Variants in IL17RB observed in about 807,000 individuals in gnomAD.
IL17RB encodes interleukin-17 receptor B.
Under a neutral mutation model 43.9 loss-of-function variants are expected in IL17RB, and 36 were observed. The ratio of observed to expected loss-of-function variants is 0.82; its 90% CI spans 0.63 to 1.08. IL17RB has a LOEUF of 1.08. Among genes scored for constraint, IL17RB ranks in the 50% least tolerant of loss-of-function variants. IL17RB has a pLI of 0.00. For synonymous variants in IL17RB, 225 were observed against 225.4 expected (o/e 1.00, Z 0.02); for missense variants, 613 against 613.6 (o/e 1.00, Z 0.01).
chr3:53,862,342 C>T lies in IL17RB; in HGVS notation c.946+2114C>T, dbSNP rs140462350. Reference sequence around the variant, plus strand: ...TTGTCAACACTATGGACGAGAACACCAACAGAGAGAACAACATGGAAGTCT... The same window carrying T: ...TTGTCAACACTATGGACGAGAACACTAACAGAGAGAACAACATGGAAGTCT... On this transcript the variant is annotated intron_variant, in intron 10 of 10. Coordinates refer to ENST00000288167, the MANE Select transcript of IL17RB (RefSeq NM_018725.4). Among the ~76,000 whole-genome samples, 1,121 of 152,194 alleles carry T rather than the reference C, an allele frequency of 7.4e-3. 16 individuals are homozygous for T. Among genetic ancestry groups the T allele is most frequent in the African/African-American group, 0.025 (1,034 of 41,514 alleles).
chr3:53,851,057 T>C (rs903996829), intron 3 of IL17RB, among the ~76,000 whole-genome samples: 2 of 152,200 alleles, frequency 1.3e-5, no homozygotes, highest in African/African-American at 2.4e-5. Flanking sequence ...CTGGCTTAGA[T>C]AGATTACTTT....
Position 53,865,234 on chromosome 3 carries a change from C to T in IL17RB, c.1435C>T (p.Leu479Phe). The T allele has an allele frequency of 6.2e-7, 1 of 1,613,550 alleles. No individual in the cohort carries two copies. The highest frequency in any genetic ancestry group is 1.3e-5 in the African/African-American group (1 of 75,026). The part of the protein sequence containing the change: ...MKDATAFCAE[L>F]LHVKQQVSAG... ...GGATGCCACTGCTTTCTGTGCAGAA[C>T]TTCTCCATGTCAAGCAGCAGGTGTC... Residue 479 changes from leucine (L) to phenylalanine (F), a missense_variant, in exon 11 of 11, where the codon CTT becomes TTT. Physicochemically the swap from Leu to Phe is conservative, Grantham distance 22. Transcript: ENST00000288167.
At chr3:53,849,491 C>T (rs1184054505) in intron 2 of IL17RB, among the ~76,000 whole-genome samples, 164 bp from the exon 3 acceptor site, 2 of 147,852 alleles carry the variant, frequency 1.4e-5, no homozygotes, top group African/African-American at 2.5e-5. Flanking sequence ...TCTTAGGCAA[C>T]AGAGTGAGAC....
chr3:53,856,473 C>T (rs1377027696), intron 6 of IL17RB, among the ~76,000 whole-genome samples: 2 of 152,194 alleles, frequency 1.3e-5, no homozygotes, highest in African/African-American at 4.8e-5. Context: ...GCTCTATAAT[C>T]TTAGACATGT....
At chr3:53,856,785 GAACTT>G (rs976188025) in intron 6 of IL17RB, 54 bp from the exon 7 acceptor site, 4 of 1,578,754 alleles carry the variant, frequency 2.5e-6, no homozygotes, top group Non-Finnish European at 3.5e-6. Flanking sequence ...GCCCTGTGGG[GAACTT>G]AAATGAGGGA....
At chr3:53,858,482 T>C (rs1484646164) in intron 8 of IL17RB, 1 of 1,372,462 alleles carries the variant, frequency 7.3e-7, no homozygotes, top group Non-Finnish European at 9.4e-7. Context: ...GGTATGTTAG[T>C]AACGTGTACA....
At position 53,857,627 on chromosome 3, in the gene IL17RB, GAAAC is replaced by G; in HGVS notation, c.689_692del (p.Gln230ArgfsTer6). Reference sequence around the variant, plus strand: ...CTCTCTCTCTTAAGCCACACCAGAAGAAACAAACGCGAGCTTCAGTGGTGATTCC... The same window carrying G: ...CTCTCTCTCTTAAGCCACACCAGAAGAAACGCGAGCTTCAGTGGTGATTCC... On this transcript the variant is annotated frameshift_variant, in exon 8 of 11. Transcript: ENST00000288167. LOFTEE classifies it high-confidence loss of function. 2 of 1,614,170 alleles carry G rather than the reference GAAAC, an allele frequency of 1.2e-6. No homozygotes were observed. Among genetic ancestry groups the G allele is most frequent in the Non-Finnish European group, 1.7e-6 (2 of 1,180,000 alleles).
chr3:53,852,806 C>T (rs1462580855), intron 4 of IL17RB, 65 bp from the exon 5 acceptor site: 2 of 1,515,124 alleles, frequency 1.3e-6, no homozygotes, highest in Admixed American at 3.6e-5. Context: ...GGGCAACACA[C>T]TAAGGTATAC....
chr3:53,857,827 C>T, intron 8 of IL17RB, 137 bp downstream of exon 8: 1 of 765,232 alleles, frequency 1.3e-6, no homozygotes, highest in Non-Finnish European at 2.2e-6. Flanking sequence ...TTCATGGGGG[C>T]TCTTTCGCTG....
At position 53,853,006 on chromosome 3, in the gene IL17RB, C is replaced by A; in HGVS notation, c.481+9C>A. The A allele has an allele frequency of 6.2e-7, 1 of 1,613,936 alleles. No individual in the cohort carries two copies. The highest frequency in any genetic ancestry group is 8.5e-7 in the Non-Finnish European group (1 of 1,179,844). On this transcript the variant is annotated intron_variant, in intron 5 of 10. Transcript: ENST00000288167. ...GAATTTCACCTCACCAGGTAAACTT[C>A]CTCATTTGTTTATTATTCTTTGTCT...
At chr3:53,852,162 G>T (rs749280619) in intron 4 of IL17RB, 36 bp downstream of exon 4, 13 of 1,596,776 alleles carry the variant, frequency 8.1e-6, no homozygotes, top group Non-Finnish European at 1.1e-5. Flanking sequence ...TGTTTTTTGA[G>T]ATAGCATCTT....
At chr3:53,856,785 G>A in intron 6 of IL17RB, 59 bp from the exon 7 acceptor site, 2 of 1,578,872 alleles carry the variant, frequency 1.3e-6, no homozygotes, top group African/African-American at 1.3e-5. Flanking sequence ...GCCCTGTGGG[G>A]AACTTAAATG....
At chr3:53,859,257 T>G (rs1394816771) in intron 9 of IL17RB, 2 of 154,660 alleles carry the variant, frequency 1.3e-5, no homozygotes, top group Non-Finnish European at 2.9e-5. Flanking sequence ...TGAGGAATAA[T>G]GGTACCGCCT....
chr3:53,862,303 CT>C (rs1328096331), intron 10 of IL17RB, among the ~76,000 whole-genome samples: 1 of 152,074 alleles, frequency 6.6e-6, no homozygotes, highest in Non-Finnish European at 1.5e-5. Flanking sequence ...ACACACAGTA[CT>C]TTATGGAAAG....
In IL17RB at chr3:53,856,879, A is replaced by G; in HGVS notation, c.565A>G (p.Lys189Glu). The part of the protein sequence containing the change: ...LWDPNITACK[K>E]NEETVEVNFT... ...GGATCCGAACATCACTGCTTGTAAG[A>G]AGAATGAGGAGACAGTAGAAGTGAA... is the stretch of plus-strand genomic sequence containing the variant. The change falls in exon 7 of 11, where the codon AAG becomes GAG. Residue 189 changes from lysine to glutamate, a missense_variant. Physicochemically the swap from Lys to Glu is moderately conservative, Grantham distance 56. Transcript: ENST00000288167. The G allele has an allele frequency of 6.2e-7, 1 of 1,614,116 alleles. No individual in the cohort carries two copies. Among genetic ancestry groups the G allele is most frequent in the Non-Finnish European group, 8.5e-7 (1 of 1,179,988 alleles).
rs1264806401 is a variant in IL17RB, at chr3:53,857,894, T to TA, written c.747+204_747+205insA. 5 of 575,344 alleles carry TA rather than the reference T, an allele frequency of 8.7e-6. No individual in the cohort carries two copies. The African/African-American group carries it at 9.3e-5, about 11-fold the overall frequency. The allele number at this position is 575,344 out of a possible 1,614,324, so 35.6% of individuals were successfully genotyped here. On this transcript the variant is annotated intron_variant, in intron 8 of 10. Transcript: ENST00000288167. ...ACGTGGCAGTTGTGGTCCCTTTTGCTTGTATTAATGGCTGCTGACCTTCCA... is the reference window on the plus strand; with the variant it reads ...ACGTGGCAGTTGTGGTCCCTTTTGCTATGTATTAATGGCTGCTGACCTTCCA...
chr3:53,847,982 T>C (rs1303556549), intron 1 of IL17RB, among the ~76,000 whole-genome samples: 1 of 152,236 alleles, frequency 6.6e-6, no homozygotes, highest in African/African-American at 2.4e-5. Context: ...TTGAGTCTTG[T>C]CATTTGAGCT....
At chr3:53,853,331 T>C (rs1018148111) in intron 5 of IL17RB, among the ~76,000 whole-genome samples, 1 of 152,254 alleles carries the variant, frequency 6.6e-6, no homozygotes. Context: ...TCACTTTCCC[T>C]GGGTTATACA....
chr3:53,861,934 T>A (rs28741401), intron 10 of IL17RB, among the ~76,000 whole-genome samples: 3,388 of 152,302 alleles, frequency 0.022, 111 homozygotes, highest in East Asian at 0.14. Flanking sequence ...CTGGACTGCT[T>A]TGTACAAATG....
Sources: gnomAD v4.1 joint callset for allele counts (sites outside exome capture counted in the v4.1 genomes callset) on GRCh38, gnomAD v4.1.1 for gene constraint, MANE v1.5 for transcripts, NCBI Gene and HGNC (gene_info 2026-07-23, HGNC 2026-07-21) for gene names.